CLCC1: variants seen among roughly 807,000 people sequenced by gnomAD.
CLCC1 encodes the protein chloride channel CLIC like 1.
CLCC1 carries 39 observed loss-of-function variants against 63.3 expected under a neutral mutation model. That is an observed-to-expected ratio of 0.62 (90% confidence interval 0.48 to 0.81). CLCC1 has a LOEUF of 0.81. Ranked by LOEUF, CLCC1 falls within the 30% of genes least tolerant of loss-of-function variation. CLCC1 has a pLI of 0.00. For missense variants in CLCC1, 549 were observed against 669.4 expected (o/e 0.82, Z 1.98); for synonymous variants, 217 against 239.8 (o/e 0.90, Z 0.88).
intron 2 of CLCC1, 71 bp downstream of exon 2, chr1:108,962,238 G>A (rs1656750038): frequency 6.6e-6 from 1 of 152,242 alleles, no homozygotes; most frequent in South Asian, 2.1e-4. Flanking sequence ...GCAGTGAGTA[G>A]AAATGGGCAC....
chr1:108,947,407 G>A (rs888923471), intron 5 of CLCC1, among the ~76,000 whole-genome samples: 4 of 152,116 alleles, frequency 2.6e-5, no homozygotes, highest in Admixed American at 1.3e-4. Context: ...GAGAAAGAGC[G>A]GTCTGCACTG....
intron 7 of CLCC1, among the ~76,000 whole-genome samples, chr1:108,942,976 C>T (rs1400324544): frequency 2.6e-5 from 4 of 151,914 alleles, no homozygotes; most frequent in Admixed American, 6.6e-5. Context: ...AGTGCAGCAG[C>T]GCAATCTTGG....
Position 108,963,475 on chromosome 1 carries a change from C to A in CLCC1, c.-287G>T. ...CAGCGTGCTTCCTGGGCCTCGTCAT[C>A]GAATTGTTCGGCTGACGGCTGCGTG... On this transcript the variant is annotated 5_prime_UTR_variant, in exon 1 of 13. Transcript: ENST00000369969. 1 of 701,954 alleles carries A rather than the reference C, an allele frequency of 1.4e-6. No individual in the cohort carries two copies. Among genetic ancestry groups the A allele is most frequent in the Non-Finnish European group, 2.6e-6 (1 of 384,460 alleles). The allele number at this position is 701,954 out of a possible 1,614,324, so 43.5% of individuals were successfully genotyped here.
chr1:108,943,445 A>G, intron 7 of CLCC1, 30 bp downstream of exon 7: 1 of 1,599,240 alleles, frequency 6.3e-7, no homozygotes, highest in Non-Finnish European at 8.5e-7. Flanking sequence ...AAATGTGTTA[A>G]AATTGTAAAA....
At position 108,931,733 on chromosome 1, in the gene CLCC1, T is replaced by G. The variant is rs1652009028; in HGVS notation, c.*814A>C. ...AGCATTTTAAAAACTCAGGTAAGTT[T>G]CATGGGGTTCTTATAAGAAAATTCA... On this transcript the variant is annotated 3_prime_UTR_variant, in exon 13 of 13. Coordinates refer to ENST00000369969, the MANE Select transcript of CLCC1 (RefSeq NM_001377458.1). 1 of 344,556 alleles carries G rather than the reference T, an allele frequency of 2.9e-6. No individual in the cohort carries two copies. Among genetic ancestry groups the G allele is most frequent in the African/African-American group, 2.1e-5 (1 of 46,750 alleles). The allele number at this position is 344,556 out of a possible 1,614,324, so 21.3% of individuals were successfully genotyped here.
intron 2 of CLCC1, among the ~76,000 whole-genome samples, chr1:108,958,774 G>T (rs1656245292): frequency 6.6e-6 from 1 of 151,434 alleles, no homozygotes; most frequent in Non-Finnish European, 1.5e-5. Flanking sequence ...TGACTACTCA[G>T]GAGGCTGAGG....
At chr1:108,938,418 C>T (rs559669804) in intron 10 of CLCC1, among the ~76,000 whole-genome samples, 245 of 152,172 alleles carry the variant, frequency 1.6e-3, no homozygotes, top group Non-Finnish European at 2.8e-3. Flanking sequence ...AAAAAATACC[C>T]GTCAACCACA....
intron 2 of CLCC1, 96 bp from the exon 3 acceptor site, chr1:108,950,544 C>T (rs1655058702): frequency 1.1e-5 from 7 of 664,254 alleles, no homozygotes; most frequent in Non-Finnish European, 1.5e-5. Context: ...TTTTTAGAGA[C>T]AGGGTCTTGC....
intron 4 of CLCC1, among the ~76,000 whole-genome samples, chr1:108,949,575 G>A (rs1654942764): frequency 6.6e-6 from 1 of 152,066 alleles, no homozygotes; most frequent in African/African-American, 2.4e-5. Context: ...CTGCAGTCTG[G>A]TAAAGAAATA....
intron 9 of CLCC1, 131 bp from the exon 10 acceptor site, chr1:108,939,913 GA>G: frequency 7.8e-7 from 1 of 1,277,916 alleles, no homozygotes; most frequent in Non-Finnish European, 1.1e-6. Context: ...TTTTTAATGT[GA>G]AAATCACTGT....
Position 108,943,887 on chromosome 1 carries a change from C to G in CLCC1, c.510G>C (p.Trp170Cys), listed in dbSNP as rs990533610. Residue 170 changes from tryptophan to cysteine, a missense_variant, in exon 6 of 13, where the codon TGG (tryptophan) becomes TGC (cysteine). Physicochemically the swap from Trp to Cys is radical, Grantham distance 215. Transcript: ENST00000369969. ...INFKFHDFET[W>C]KWRFEDSFGV... Reference sequence around the variant, plus strand: ...CAAAGGAATCTTCGAATCGCCACTTCCATGTTTCAAAATCATGAAACTTAA... The same window carrying G: ...CAAAGGAATCTTCGAATCGCCACTTGCATGTTTCAAAATCATGAAACTTAA... 6.2e-7 allele frequency: 1 copy of G among 1,613,932 alleles called. No individual in the cohort carries two copies. The highest frequency in any genetic ancestry group is 8.5e-7 in the Non-Finnish European group (1 of 1,179,870).
chr1:108,950,313 G>T lies in CLCC1; in HGVS notation c.125C>A (p.Ser42Tyr). ...TGCACGAATTTTTTTTAATACCTGAGATTTTCTCATTGTTCCTGAAGCAGC... is the reference window on the plus strand; with the variant it reads ...TGCACGAATTTTTTTTAATACCTGATATTTTCTCATTGTTCCTGAAGCAGC... ...YDAASGTMRK[S>Y]QAKYGISGEK... The change falls in exon 3 of 13, where the codon TCT becomes TAT. Residue 42 changes from serine to tyrosine, a missense_variant. By Grantham distance (144) the Ser-to-Tyr change is moderately radical. Coordinates refer to ENST00000369969, the MANE Select transcript of CLCC1 (RefSeq NM_001377458.1). 12 of 1,611,282 alleles carry T rather than the reference G, an allele frequency of 7.4e-6. No individual in the cohort carries two copies. Among genetic ancestry groups the T allele is most frequent in the Non-Finnish European group, 1.0e-5 (12 of 1,178,568 alleles).
In CLCC1 at chr1:108,931,739, G is replaced by T; in HGVS notation, c.*808C>A. Reference sequence around the variant, plus strand: ...TTAAAAACTCAGGTAAGTTTCATGGGGTTCTTATAAGAAAATTCAGTTAAG... The same window carrying T: ...TTAAAAACTCAGGTAAGTTTCATGGTGTTCTTATAAGAAAATTCAGTTAAG... On this transcript the variant is annotated 3_prime_UTR_variant, in exon 13 of 13. Transcript: ENST00000369969. The T allele has an allele frequency of 3.1e-6, 1 of 325,664 alleles. No homozygotes were observed. Among genetic ancestry groups the T allele is most frequent in the Non-Finnish European group, 5.2e-6 (1 of 192,974 alleles). 20.2% of individuals were successfully genotyped at this position (325,664 alleles called of 1,614,324 possible).
rs1261078928 is a variant in CLCC1, at chr1:108,940,160, C to T, written c.797-18G>A. 1.4e-6 allele frequency: 2 copies of T among 1,466,890 alleles called. No individual in the cohort carries two copies. The highest frequency in any genetic ancestry group is 1.9e-6 in the Non-Finnish European group (2 of 1,054,376). The allele number at this position is 1,466,890 out of a possible 1,614,324, so 90.9% of individuals were successfully genotyped here. On this transcript the variant is annotated intron_variant, in intron 8 of 12. Transcript: ENST00000369969. The stretch of plus-strand genomic sequence containing the variant: ...AAACCATTCTGTTTAGAGAAACAGA[C>T]AAAACACTGATCATTTCTTTTAATG...
At chr1:108,941,723 G>A (rs551206661) in intron 7 of CLCC1, among the ~76,000 whole-genome samples, 13 of 151,936 alleles carry the variant, frequency 8.6e-5, no homozygotes, top group Non-Finnish European at 1.6e-4. Flanking sequence ...GCACAATCTC[G>A]GCTCACTGCA....
At chr1:108,957,496 T>C (rs989816555) in intron 2 of CLCC1, among the ~76,000 whole-genome samples, 7 of 151,564 alleles carry the variant, frequency 4.6e-5, no homozygotes, top group Admixed American at 2.6e-4. Context: ...GCTTTTCACT[T>C]TCATGTGAGC....
Position 108,934,838 on chromosome 1 carries a change from A to G in CLCC1, c.1488T>C (p.Pro496=), listed in dbSNP as rs201091112. 28 of 1,614,234 alleles carry G rather than the reference A, an allele frequency of 1.7e-5. No homozygotes were observed. The African/African-American group carries it at 3.5e-4, about 20-fold the overall frequency. ...TCCCTGATGTGTCTTGGCCAGAGAC[A>G]GGCTTGGCCGACTGGCTGCTTTCAG... is the stretch of plus-strand genomic sequence containing the variant. The part of the protein sequence containing the change: ...SSTESSQSAK[P]VSGQDTSGNT... Residue 496 remains proline (P), a synonymous_variant, in exon 12 of 13, where the codon CCT becomes CCC. Transcript: ENST00000369969.
rs1224018255 is a variant in CLCC1 at position 108,943,864 on chromosome 1, A to G, written c.533T>C (p.Phe178Ser). 6.2e-7 allele frequency: 1 copy of G among 1,613,800 alleles called. No individual in the cohort carries two copies. Among genetic ancestry groups the G allele is most frequent in the South Asian group, 1.1e-5 (1 of 91,028 alleles). The change falls in exon 6 of 13, where the codon TTT becomes TCT. Residue 178 changes from phenylalanine to serine, a missense_variant. Coordinates refer to ENST00000369969, the MANE Select transcript of CLCC1 (RefSeq NM_001377458.1). ...TAACACATTATATGGATCCACTCCA[A>G]AGGAATCTTCGAATCGCCACTTCCA... Reference protein sequence around the residue: ...ETWKWRFEDSFGVDPYNVLMV... With the variant: ...ETWKWRFEDSSGVDPYNVLMV...
intron 12 of CLCC1, chr1:108,934,118 G>A (rs1652472963): frequency 6.6e-6 from 1 of 152,544 alleles, no homozygotes; most frequent in African/African-American, 2.4e-5. Context: ...CAATAAGGAT[G>A]CAGGCGTAGT....
Sources: gnomAD v4.1 joint callset for allele counts (sites outside exome capture counted in the v4.1 genomes callset) on GRCh38, gnomAD v4.1.1 for gene constraint, MANE v1.5 for transcripts, NCBI Gene and HGNC (gene_info 2026-07-23, HGNC 2026-07-21) for gene names.